CMIP: variants seen among roughly 807,000 people sequenced by gnomAD.
The protein encoded by CMIP is C-Maf-inducing protein.
A neutral mutation model predicts 97.3 loss-of-function variants in CMIP; 13 were observed. That is an observed-to-expected ratio of 0.13 (90% CI 0.09 to 0.21). CMIP has a LOEUF of 0.21. CMIP is among the 10% of genes least tolerant of loss of function. The probability of loss-of-function intolerance (pLI) is 1.00; values close to 1 mark genes in which losing one functional copy is unlikely to be tolerated. For missense variants in CMIP, 847 were observed against 1,024.9 expected (o/e 0.83, Z 2.37); for synonymous variants, 538 against 436.3 (o/e 1.23, Z -2.91).
intron 1 of CMIP, among the ~76,000 whole-genome samples, chr16:81,550,871 C>A (rs1290252310): frequency 6.6e-6 from 1 of 150,724 alleles, no homozygotes; most frequent in Non-Finnish European, 1.5e-5. Flanking sequence ...CCATCACACA[C>A]ACCCCAGTTC....
chr16:81,690,939 A>G (rs1905989624), intron 10 of CMIP, among the ~76,000 whole-genome samples: 1 of 152,170 alleles, frequency 6.6e-6, no homozygotes, highest in African/African-American at 2.4e-5. Context: ...TAATAATAAT[A>G]AATTTTAGAA....
intron 1 of CMIP, among the ~76,000 whole-genome samples, chr16:81,550,188 C>T (rs1405849613): frequency 6.6e-6 from 1 of 152,230 alleles, no homozygotes; most frequent in Non-Finnish European, 1.5e-5. Context: ...TACAGAGAGA[C>T]CTGAATTTAA....
intron 1 of CMIP, among the ~76,000 whole-genome samples, chr16:81,560,874 G>A (rs773480589): frequency 6.6e-6 from 1 of 152,166 alleles, no homozygotes; most frequent in Non-Finnish European, 1.5e-5. Flanking sequence ...GTAGGTTTGT[G>A]TAAATACACT....
At chr16:81,560,032 C>T (rs2090846143) in intron 1 of CMIP, among the ~76,000 whole-genome samples, 1 of 151,530 alleles carries the variant, frequency 6.6e-6, no homozygotes, top group Non-Finnish European at 1.5e-5. Context: ...CCTGTAATCC[C>T]AGCTACTCAG....
chr16:81,692,626 G>C (rs568796154), intron 11 of CMIP, among the ~76,000 whole-genome samples: 112 of 152,176 alleles, frequency 7.4e-4, no homozygotes, highest in African/African-American at 2.6e-3. Flanking sequence ...GCCAGTCCCC[G>C]AGGGTCCCCA....
At chr16:81,517,644 A>C (rs923200495) in intron 1 of CMIP, among the ~76,000 whole-genome samples, 1 of 152,200 alleles carries the variant, frequency 6.6e-6, no homozygotes, top group Non-Finnish European at 1.5e-5. Flanking sequence ...GAAATTGCAA[A>C]GTATGTAATA....
intron 1 of CMIP, among the ~76,000 whole-genome samples, chr16:81,557,962 G>A (rs1376736798): frequency 3.9e-5 from 6 of 151,910 alleles, no homozygotes; most frequent in Admixed American, 2.0e-4. Context: ...TCCCCTCCCC[G>A]AGCCCCTGAC....
intron 1 of CMIP, among the ~76,000 whole-genome samples, chr16:81,457,671 G>C (rs891084252): frequency 1.3e-5 from 2 of 152,208 alleles, no homozygotes; most frequent in Non-Finnish European, 2.9e-5. Flanking sequence ...CACCTACCTC[G>C]TGAGGTCCCA....
chr16:81,653,499 C>A (rs1281729488), intron 4 of CMIP, among the ~76,000 whole-genome samples: 1 of 152,246 alleles, frequency 6.6e-6, no homozygotes, highest in Non-Finnish European at 1.5e-5. Flanking sequence ...AGACCAGCAT[C>A]GTTCCAAGAG....
chr16:81,551,497 A>G (rs371993392), intron 1 of CMIP, among the ~76,000 whole-genome samples: 3 of 152,296 alleles, frequency 2.0e-5, no homozygotes, highest in African/African-American at 7.2e-5. Flanking sequence ...GGTCCTGAGG[A>G]AGGAAGCACA....
chr16:81,514,680 C>T (rs2089878369), intron 1 of CMIP, among the ~76,000 whole-genome samples: 1 of 152,156 alleles, frequency 6.6e-6, no homozygotes, highest in Admixed American at 6.5e-5. Context: ...TGGCTTCACC[C>T]CTTATAACCT....
At chr16:81,676,505 C>T (rs181550346) in intron 9 of CMIP, among the ~76,000 whole-genome samples, 2 of 152,226 alleles carry the variant, frequency 1.3e-5, no homozygotes, top group South Asian at 2.1e-4. Flanking sequence ...AACCCAGCAA[C>T]GGCAAACAAA....
intron 1 of CMIP, among the ~76,000 whole-genome samples, chr16:81,546,209 A>C (rs2090543481): frequency 6.6e-6 from 1 of 152,142 alleles, no homozygotes; most frequent in South Asian, 2.1e-4. Context: ...GGAAATGAGG[A>C]ATCCCGATCC....
At chr16:81,484,042 T>C (rs552246508) in intron 1 of CMIP, among the ~76,000 whole-genome samples, 1 of 152,306 alleles carries the variant, frequency 6.6e-6, no homozygotes, top group African/African-American at 2.4e-5. Context: ...AAACACCTAC[T>C]GTGTCTTGGG....
intron 3 of CMIP, among the ~76,000 whole-genome samples, chr16:81,640,455 C>A (rs999958282): frequency 3.3e-5 from 5 of 152,150 alleles, no homozygotes; most frequent in African/African-American, 4.8e-5. Context: ...TGGGACCAGG[C>A]GTCCTGGGGT....
intron 1 of CMIP, among the ~76,000 whole-genome samples, chr16:81,552,148 C>A (rs2090671824): frequency 6.6e-6 from 1 of 152,124 alleles, no homozygotes; most frequent in South Asian, 2.1e-4. Context: ...GGTGGCCTGG[C>A]TGCAAGGGGG....
At chr16:81,536,158 G>A (rs976005357) in intron 1 of CMIP, among the ~76,000 whole-genome samples, 7 of 152,194 alleles carry the variant, frequency 4.6e-5, no homozygotes, top group African/African-American at 1.4e-4. Context: ...TTTGAAATCA[G>A]GTAAGTGTTA....
intron 1 of CMIP, among the ~76,000 whole-genome samples, chr16:81,528,891 G>A (rs2090180690): frequency 6.6e-6 from 1 of 152,016 alleles, no homozygotes; most frequent in African/African-American, 2.4e-5. Flanking sequence ...ACTCACCCAT[G>A]CTCCCTCCCT....
At chr16:81,544,485 T>C (rs1262226735) in intron 1 of CMIP, among the ~76,000 whole-genome samples, 14 of 151,314 alleles carry the variant, frequency 9.3e-5, no homozygotes, top group Non-Finnish European at 2.9e-5. Flanking sequence ...TATTTCCTTC[T>C]CCAAACAGCC....
Sources: gnomAD v4.1 joint callset for allele counts (sites outside exome capture counted in the v4.1 genomes callset) on GRCh38, gnomAD v4.1.1 for gene constraint, MANE v1.5 for transcripts, NCBI Gene and HGNC (gene_info 2026-07-23, HGNC 2026-07-21) for gene names.